The following ENPP1 variants were observed in gnomAD, a reference collection of about 807,000 sequenced individuals.
ENPP1 encodes ectonucleotide pyrophosphatase/phosphodiesterase family member 1.
Under a neutral mutation model 122.8 loss-of-function variants are expected in ENPP1, and 73 were observed. The ratio of observed to expected loss-of-function variants is 0.59; its 90% CI spans 0.49 to 0.72. ENPP1 has a LOEUF of 0.72. ENPP1 is among the 30% of genes least tolerant of loss of function. The pLI is 0.00. For missense variants in ENPP1, 978 were observed against 1,128.1 expected, an observed-to-expected ratio of 0.87 and a Z score of 1.91; for synonymous variants, 367 against 391.6, an observed-to-expected ratio of 0.94 and a Z score of 0.74.
chr6:131,874,857 CAT>C (rs758316758), intron 16 of ENPP1, among the ~76,000 whole-genome samples: 47 of 146,916 alleles, frequency 3.2e-4, no homozygotes, highest in African/African-American at 1.1e-3. Flanking sequence ...CACACACACA[CAT>C]ACCATGAAAT....
intron 1 of ENPP1, among the ~76,000 whole-genome samples, chr6:131,836,490 C>G (rs374520513): frequency 5.9e-5 from 9 of 152,044 alleles, no homozygotes; most frequent in African/African-American, 1.9e-4. Flanking sequence ...TAGACAAAAT[C>G]TTATTGTTCT....
At chr6:131,845,623 A>G (rs1159890998) in intron 1 of ENPP1, among the ~76,000 whole-genome samples, 1 of 150,950 alleles carries the variant, frequency 6.6e-6, no homozygotes, top group Admixed American at 6.6e-5. Flanking sequence ...ATGCTGGGCT[A>G]ATTTTTTGTA....
At chr6:131,817,754 T>TACACAC (rs138209749) in intron 1 of ENPP1, among the ~76,000 whole-genome samples, 54,178 of 146,166 alleles carry the variant, frequency 0.37, 10,284 homozygotes, top group East Asian at 0.53. Context: ...TCTCTCTCCA[T>TACACAC]ACACACACAC....
rs767511356 is a variant in ENPP1 at position 131,860,448 on chromosome 6, C to T, written c.857C>T (p.Ala286Val). ...DNKMYDPKMN[A>V]SFSLKSKEKF... ...AAAATGTATGATCCCAAAATGAATG[C>T]TTCCTTTTCACTTAAAAGTAAAGAG... Residue 286 changes from alanine to valine, a missense_variant, in exon 8 of 25, where the codon GCT becomes GTT. Physicochemically the swap from Ala to Val is moderately conservative, Grantham distance 64 (BLOSUM62 0). Around this residue, in one of 3 missense-constraint regions of ENPP1, gnomAD observed 644 missense variants for 781.5 expected, o/e 0.82. Coordinates refer to ENST00000647893, the MANE Select transcript of ENPP1 (RefSeq NM_006208.3). 2.5e-6 allele frequency: 4 copies of T among 1,579,656 alleles called. No individual in the cohort carries two copies. The highest frequency in any genetic ancestry group is 4.5e-5 in the East Asian group (2 of 44,556).
chr6:131,854,494 A>C (rs1445867059), intron 5 of ENPP1, among the ~76,000 whole-genome samples: 4 of 152,196 alleles, frequency 2.6e-5, no homozygotes, highest in Non-Finnish European at 4.4e-5. Flanking sequence ...ACTGTATTAG[A>C]GTCCATATCA....
At chr6:131,850,402 T>C (rs866394488) in intron 3 of ENPP1, among the ~76,000 whole-genome samples, 2 of 152,182 alleles carry the variant, frequency 1.3e-5, no homozygotes, top group Non-Finnish European at 1.5e-5. Context: ...CTGCTTGAAA[T>C]ATAGAAATAT....
intron 1 of ENPP1, among the ~76,000 whole-genome samples, chr6:131,815,492 C>G (rs1006567081): frequency 2.0e-5 from 3 of 152,182 alleles, no homozygotes; most frequent in African/African-American, 7.2e-5. Flanking sequence ...TACGTAGCTA[C>G]TGTTTCAAAA....
At position 131,864,936 on chromosome 6, in the gene ENPP1, G is replaced by A. The variant is rs201300555; in HGVS notation, c.1162G>A (p.Glu388Lys). The A allele has an allele frequency of 5.1e-6, 8 of 1,572,650 alleles. No individual in the cohort carries two copies. Among genetic ancestry groups the A allele is most frequent in the Non-Finnish European group, 7.0e-6 (8 of 1,142,554 alleles). ...SGHSYGPVSS[E>K]VIKALQRVDG... ...TCATTCATATGGACCAGTCAGCAGTGAAGTAAGTACATTTTTATCAGTAAT... is the reference window on the plus strand; with the variant it reads ...TCATTCATATGGACCAGTCAGCAGTAAAGTAAGTACATTTTTATCAGTAAT... The change falls in exon 11 of 25, where the codon GAA becomes AAA. Residue 388 changes from glutamate to lysine, a missense_variant and splice_region_variant. By Grantham distance (56) the Glu-to-Lys change is moderately conservative. Transcript: ENST00000647893.
intron 2 of ENPP1, among the ~76,000 whole-genome samples, chr6:131,848,057 G>A (rs1218372292): frequency 6.6e-6 from 1 of 152,106 alleles, no homozygotes; most frequent in Non-Finnish European, 1.5e-5. Flanking sequence ...AAACATGGCC[G>A]GGGGTTCTGA....
At chr6:131,872,603 A>G (rs2114714964) in intron 14 of ENPP1, among the ~76,000 whole-genome samples, 1 of 152,302 alleles carries the variant, frequency 6.6e-6, no homozygotes, top group South Asian at 2.1e-4. Context: ...AATATAATCT[A>G]GTGACACTGA....
At position 131,861,718 on chromosome 6, in the gene ENPP1, A is replaced by T. The variant is rs376116995; in HGVS notation, c.1025+14A>T. 8 of 1,398,248 alleles carry T rather than the reference A, an allele frequency of 5.7e-6. No individual in the cohort carries two copies. Among genetic ancestry groups the T allele is most frequent in the South Asian group, 2.3e-5 (2 of 86,694 alleles). The allele number at this position is 1,398,248 out of a possible 1,614,324, so 86.6% of individuals were successfully genotyped here. A position where few individuals can be genotyped will look rare whatever the true frequency, so the allele number is the denominator to read the frequency against. ...AATGTATAATGGGTATGTGAAATGA[A>T]TTTTTTCTAGGATCTGTAATATAGA... On this transcript the variant is annotated intron_variant, in intron 9 of 24. Transcript: ENST00000647893.
chr6:131,867,686 T>A lies in ENPP1; in HGVS notation c.1165-332T>A, dbSNP rs796715954. On this transcript the variant is annotated intron_variant, in intron 11 of 24. Coordinates refer to ENST00000647893, the MANE Select transcript of ENPP1 (RefSeq NM_006208.3). Reference sequence around the variant, plus strand: ...TATTATTATTTTGGCTTAAGTTGGGTCTAATCTAAGTAGTAGCATTCTGAC... The same window carrying A: ...TATTATTATTTTGGCTTAAGTTGGGACTAATCTAAGTAGTAGCATTCTGAC... 3.9e-5 allele frequency among the ~76,000 whole-genome samples: 6 copies of A among 152,272 alleles called. No homozygotes were observed. The South Asian group carries it at 1.2e-3, about 32-fold the overall frequency.
intron 1 of ENPP1, among the ~76,000 whole-genome samples, chr6:131,811,128 C>T (rs1781344367): frequency 6.6e-6 from 1 of 151,514 alleles, no homozygotes. Flanking sequence ...ATTTAAATAT[C>T]CTTCTTGTTT....
chr6:131,828,201 A>G, intron 1 of ENPP1: 1 of 571,120 alleles, frequency 1.8e-6, no homozygotes, highest in Non-Finnish European at 3.4e-6. Flanking sequence ...GCTGGCTTTC[A>G]GGATGTTCCA....
At chr6:131,813,918 A>G (rs184470664) in intron 1 of ENPP1, among the ~76,000 whole-genome samples, 26 of 152,286 alleles carry the variant, frequency 1.7e-4, no homozygotes, top group Admixed American at 1.6e-3. Flanking sequence ...ATCCAGGTGC[A>G]TGGATCTTTC....
At chr6:131,847,700 T>G (rs1781826771) in intron 1 of ENPP1, 76 bp from the exon 2 acceptor site, 1 of 1,052,104 alleles carries the variant, frequency 9.5e-7, no homozygotes. Context: ...AGTAAGACAC[T>G]ATCTCTAAAA....
chr6:131,866,721 GTCC>G (rs1158192293), intron 11 of ENPP1, among the ~76,000 whole-genome samples: 13 of 152,286 alleles, frequency 8.5e-5, no homozygotes, highest in Non-Finnish European at 1.9e-4. Context: ...CTTTCATTCT[GTCC>G]TTCAACTTGG....
At chr6:131,812,246 A>G (rs1781364299) in intron 1 of ENPP1, among the ~76,000 whole-genome samples, 1 of 152,254 alleles carries the variant, frequency 6.6e-6, no homozygotes, top group Non-Finnish European at 1.5e-5. Flanking sequence ...ACAACTTGAA[A>G]TACAAATATG....
rs772482579 is a variant in ENPP1 at position 131,860,386 on chromosome 6, G to T, written c.796-1G>T. 2 of 1,593,030 alleles carry T rather than the reference G, an allele frequency of 1.3e-6. No homozygotes were observed. The highest frequency in any genetic ancestry group is 4.5e-5 in the East Asian group (2 of 44,584). On this transcript the variant is annotated splice_acceptor_variant, in intron 7 of 24. Transcript: ENST00000647893. LOFTEE classifies it high-confidence loss of function. ...CATATAATCTGTTTTATCTTTTTTA[G>T]GGATTGTATCCAGAATCTCATGGCA...
Sources: allele counts gnomAD v4.1 joint callset (sites outside exome capture counted in the v4.1 genomes callset), GRCh38; gene constraint gnomAD v4.1.1; regional missense constraint gnomAD v4.1.1; transcripts MANE v1.5; gene names NCBI Gene and HGNC (gene_info 2026-07-23, HGNC 2026-07-21).